Variants in FKBP15 observed in about 807,000 individuals in gnomAD.
FKBP15 encodes FKBP prolyl isomerase family member 15, also known as FK506-binding protein 15.
FKBP15 carries 106 observed loss-of-function variants against 158.1 expected under a neutral mutation model. The ratio of observed to expected loss-of-function variants is 0.67; its 90% CI spans 0.57 to 0.79. The LOEUF is 0.79. FKBP15 is among the 30% of genes least tolerant of loss of function. FKBP15 has a pLI of 0.00. For synonymous variants in FKBP15, 547 were observed against 548.6 expected, an observed-to-expected ratio of 1.00 and a Z score of 0.04; for missense variants, 1,287 against 1,479.1, an observed-to-expected ratio of 0.87 and a Z score of 2.13.
intron 23 of FKBP15, among the ~76,000 whole-genome samples, chr9:113,172,918 C>T (rs927541110): frequency 1.3e-5 from 2 of 152,172 alleles, no homozygotes; most frequent in Non-Finnish European, 2.9e-5. Flanking sequence ...CACCACACCC[C>T]AGCCTCCATC....
rs1358238792 is a variant in FKBP15, at chr9:113,163,809, C to A, written c.*2269G>T. 2 of 152,626 alleles carry A rather than the reference C, an allele frequency of 1.3e-5. No individual in the cohort carries two copies. The highest frequency in any genetic ancestry group is 4.8e-5 in the African/African-American group (2 of 41,454). 9.5% of individuals were successfully genotyped at this position (152,626 alleles called of 1,614,324 possible). A position where few individuals can be genotyped will look rare whatever the true frequency, so the allele number is the denominator to read the frequency against. ...TTCTTCTATGCAGAACAAAAAGCTGCATCTAATAATGTTCAATACTTAATA... is the reference window on the plus strand; with the variant it reads ...TTCTTCTATGCAGAACAAAAAGCTGAATCTAATAATGTTCAATACTTAATA... On this transcript the variant is annotated 3_prime_UTR_variant, in exon 28 of 28. Coordinates refer to ENST00000238256, the MANE Select transcript of FKBP15 (RefSeq NM_015258.2).
chr9:113,205,770 T>G (rs1777242873), intron 4 of FKBP15, among the ~76,000 whole-genome samples: 1 of 152,154 alleles, frequency 6.6e-6, no homozygotes, highest in African/African-American at 2.4e-5. Flanking sequence ...AACAACCCAG[T>G]GTCCATCAAC....
Position 113,171,719 on chromosome 9 carries a change from C to CA in FKBP15, c.2533-14dup. 6.5e-7 allele frequency: 1 copy of CA among 1,530,238 alleles called. No individual in the cohort carries two copies. 94.8% of individuals were successfully genotyped at this position (1,530,238 alleles called of 1,614,324 possible). On this transcript the variant is annotated splice_polypyrimidine_tract_variant and intron_variant, in intron 23 of 27. Coordinates refer to ENST00000238256, the MANE Select transcript of FKBP15 (RefSeq NM_015258.2). ...GGAGGGCTAAACACTGCAAAACAAA[C>CA]AGACTGTGGCTGTGGCCTCAGGAAC...
intron 1 of FKBP15, among the ~76,000 whole-genome samples, chr9:113,216,854 C>A (rs943439691): frequency 6.6e-6 from 1 of 151,590 alleles, no homozygotes; most frequent in East Asian, 1.9e-4. Flanking sequence ...ACTACAAAGT[C>A]GATCCAAAAG....
intron 3 of FKBP15, 62 bp downstream of exon 3, chr9:113,207,150 A>AAGC: frequency 9.1e-7 from 1 of 1,100,094 alleles, no homozygotes; most frequent in African/African-American, 2.5e-5. Flanking sequence ...TTTCGAGAAA[A>AAGC]AGTAGCTTAA....
chr9:113,198,964 AAAT>A lies in FKBP15; in HGVS notation c.649-44_649-42del, dbSNP rs376169190. 1.1e-5 allele frequency: 15 copies of A among 1,344,404 alleles called. No homozygotes were observed. The African/African-American group carries it at 1.9e-4, about 17-fold the overall frequency. 83.3% of individuals were successfully genotyped at this position (1,344,404 alleles called of 1,614,324 possible). ...AGGAAATTAGGCCAGCCAATTTCAA[AAAT>A]AATAATAACCATTATGATATTCAAC... is the stretch of plus-strand genomic sequence containing the variant. On this transcript the variant is annotated intron_variant, in intron 7 of 27. Coordinates refer to ENST00000238256, the MANE Select transcript of FKBP15 (RefSeq NM_015258.2). The surrounding 1 kb of genome is among the most constrained non-coding windows in gnomAD (Gnocchi z 5.2).
Position 113,164,243 on chromosome 9 carries a change from G to A in FKBP15, c.*1835C>T, listed in dbSNP as rs1470441153. ...ATAGAACTGGTAGTACTCTTTATAA[G>A]CCTGTCTGAGGACAGAGTCCATCCA... On this transcript the variant is annotated 3_prime_UTR_variant, in exon 28 of 28. Transcript: ENST00000238256. 6.6e-6 allele frequency: 1 copy of A among 151,820 alleles called. No individual in the cohort carries two copies. Among genetic ancestry groups the A allele is most frequent in the Non-Finnish European group, 1.5e-5 (1 of 67,956 alleles). The allele number at this position is 151,820 out of a possible 1,614,324, so 9.4% of individuals were successfully genotyped here. A position where few individuals can be genotyped will look rare whatever the true frequency, so the allele number is the denominator to read the frequency against.
intron 1 of FKBP15, 107 bp downstream of exon 1, chr9:113,221,076 GCAAGGGTC>G: frequency 8.6e-7 from 1 of 1,157,202 alleles, no homozygotes; most frequent in South Asian, 1.5e-5. Flanking sequence ...CCGGAATGTG[GCAAGGGTC>G]TCCCCCCGGA....
rs1212568573 is a variant in FKBP15, at chr9:113,174,820, T to TCTCATACCCTGATA, written c.2224-238_2224-237insTATCAGGGTATGAG. Among the ~76,000 whole-genome samples, 32 of 47,594 alleles carry TCTCATACCCTGATA rather than the reference T, an allele frequency of 6.7e-4. 1 individual carries two copies. The highest frequency in any genetic ancestry group is 1.8e-3 in the East Asian group (2 of 1,118). 31.2% of individuals were successfully genotyped at this position (47,594 alleles called of 152,430 possible). A position where few individuals can be genotyped will look rare whatever the true frequency, so the allele number is the denominator to read the frequency against. On this transcript the variant is annotated intron_variant, in intron 21 of 27. Coordinates refer to ENST00000238256, the MANE Select transcript of FKBP15 (RefSeq NM_015258.2). The stretch of plus-strand genomic sequence containing the variant: ...CCCCTCTATTAAGAGCTAGGGAAAT[T>TCTCATACCCTGATA]GGGAGGCCGAGGCGGGCGGATCACG...
intron 11 of FKBP15, among the ~76,000 whole-genome samples, chr9:113,192,559 G>A (rs367689529): frequency 1.3e-5 from 2 of 152,324 alleles, no homozygotes; most frequent in East Asian, 3.9e-4. Context: ...GGGAAACACA[G>A]AGGCTCAGTG....
Position 113,162,795 on chromosome 9 carries a change from G to C in FKBP15, c.*3283C>G. The C allele has an allele frequency of 6.2e-7, 1 of 1,613,706 alleles. No individual in the cohort carries two copies. Among genetic ancestry groups the C allele is most frequent in the Non-Finnish European group, 8.5e-7 (1 of 1,179,794 alleles). On this transcript the variant is annotated 3_prime_UTR_variant, in exon 28 of 28. Transcript: ENST00000238256. ...CCAGTCTCTAATCCATGTCATCCAG[G>C]TGGTCATCGGCTACTTCATCATGCT...
chr9:113,166,124 A>G lies in FKBP15; in HGVS notation c.3614T>C (p.Leu1205Pro). ...SMKGRPPPTP[L>P]FGDDDDDDDI... ...ATCGTCATCATCATCATCTCCAAAA[A>G]GGGGCGTTGGGGGCGGGCGTCCCTT... Residue 1205 changes from leucine to proline, a missense_variant, in exon 28 of 28, where the codon CTT (leucine) becomes CCT (proline). Leu to Pro is a moderately conservative substitution (Grantham distance 98). Coordinates refer to ENST00000238256, the MANE Select transcript of FKBP15 (RefSeq NM_015258.2). 6.2e-7 allele frequency: 1 copy of G among 1,613,522 alleles called. No individual in the cohort carries two copies. The highest frequency in any genetic ancestry group is 1.7e-5 in the Admixed American group (1 of 59,992).
chr9:113,174,222 C>T (rs1830262787), intron 22 of FKBP15, among the ~76,000 whole-genome samples: 2 of 152,136 alleles, frequency 1.3e-5, no homozygotes, highest in Admixed American at 1.3e-4. Flanking sequence ...TAAATATTAA[C>T]TAAGCTTTAA....
intron 8 of FKBP15, among the ~76,000 whole-genome samples, chr9:113,197,898 GCTAAGAT>G (rs1463894551): frequency 6.6e-6 from 1 of 152,176 alleles, no homozygotes; most frequent in Admixed American, 6.5e-5. Flanking sequence ...TGACTTAACT[GCTAAGAT>G]CTATGGGAAA....
Position 113,184,886 on chromosome 9 carries a change from T to C in FKBP15, c.1499-82A>G. 1 of 1,082,202 alleles carries C rather than the reference T, an allele frequency of 9.2e-7. No homozygotes were observed. The highest frequency in any genetic ancestry group is 1.3e-6 in the Non-Finnish European group (1 of 741,224). 67.0% of individuals were successfully genotyped at this position (1,082,202 alleles called of 1,614,324 possible). A position where few individuals can be genotyped will look rare whatever the true frequency, so the allele number is the denominator to read the frequency against. ...GAAGAAAAGCTAGTAGCTCTTCCAG[T>C]AAAGAAAGAAATTAATACTTCCATA... On this transcript the variant is annotated intron_variant, in intron 15 of 27. Transcript: ENST00000238256. The surrounding 1 kb of genome is among the most constrained non-coding windows in gnomAD (Gnocchi z 4.5).
rs1365276240 is a variant in FKBP15 at position 113,208,641 on chromosome 9, T to A, written c.170-1345A>T. 2.6e-5 allele frequency among the ~76,000 whole-genome samples: 4 copies of A among 152,218 alleles called. No homozygotes were observed. The South Asian group carries it at 8.3e-4, about 31-fold the overall frequency. ...GTGTGTACTTCCAGTTATCTTCTTA[T>A]AATAAATTCCTTAAAATGGAATTAT... On this transcript the variant is annotated intron_variant, in intron 2 of 27. Transcript: ENST00000238256.
intron 2 of FKBP15, among the ~76,000 whole-genome samples, chr9:113,209,110 C>T (rs546300874): frequency 1.3e-5 from 2 of 151,498 alleles, no homozygotes; most frequent in South Asian, 4.2e-4. Flanking sequence ...GGCAATCTTG[C>T]TTCTATAGCT....
rs1477160951 is a variant in FKBP15, at chr9:113,169,115, GA to G, written c.3485+108del. 9 of 1,367,854 alleles carry G rather than the reference GA, an allele frequency of 6.6e-6. No individual in the cohort carries two copies. In the African/African-American group the frequency reaches 1.0e-4, roughly 16 times the overall value. The allele number at this position is 1,367,854 out of a possible 1,614,324, so 84.7% of individuals were successfully genotyped here. ...ATTAATACATCAACTAATGAATGAA[GA>G]CATGAGTAAATTAGTCTCTGAGGGA... is the stretch of plus-strand genomic sequence containing the variant. On this transcript the variant is annotated intron_variant, in intron 26 of 27. Coordinates refer to ENST00000238256, the MANE Select transcript of FKBP15 (RefSeq NM_015258.2).
At chr9:113,197,399 G>A (rs1432681165) in intron 8 of FKBP15, among the ~76,000 whole-genome samples, 1 of 152,200 alleles carries the variant, frequency 6.6e-6, no homozygotes, top group African/African-American at 2.4e-5. Context: ...TGGGCACAGT[G>A]GCTCATGGCT....
Sources: gnomAD v4.1 joint callset for allele counts (sites outside exome capture counted in the v4.1 genomes callset) on GRCh38, gnomAD v4.1.1 for gene constraint, Gnocchi (gnomAD v3.1) non-coding constraint, MANE v1.5 for transcripts, NCBI Gene and HGNC (gene_info 2026-07-23, HGNC 2026-07-21) for gene names.